Variants in C12orf56 observed in about 807,000 individuals in gnomAD.
The protein encoded by C12orf56 is uncharacterized protein C12orf56.
Under a neutral mutation model 69.9 loss-of-function variants are expected in C12orf56, and 71 were observed. The ratio of observed to expected loss-of-function variants is 1.02; its 90% CI spans 0.84 to 1.24. C12orf56 has a LOEUF of 1.24. Among genes scored for constraint, C12orf56 ranks in the 50% most tolerant of loss-of-function variants. The pLI, the probability that C12orf56 is intolerant of heterozygous loss-of-function variation, is 0.00. For missense variants in C12orf56, 732 were observed against 738.5 expected (o/e 0.99, Z 0.10); for synonymous variants, 276 against 274.1 (o/e 1.01, Z -0.07).
intron 5 of C12orf56, among the ~76,000 whole-genome samples, chr12:64,304,767 TG>T (rs2038489930): frequency 6.6e-6 from 1 of 152,210 alleles, no homozygotes; most frequent in Non-Finnish European, 1.5e-5. Flanking sequence ...TGGACTGAGC[TG>T]GCTCCACTGT....
chr12:64,318,885 C>A lies in C12orf56; in HGVS notation c.584G>T (p.Arg195Leu), dbSNP rs1336616299. The A allele has an allele frequency of 6.5e-7, 1 of 1,537,054 alleles. No individual in the cohort carries two copies. The highest frequency in any genetic ancestry group is 2.4e-5 in the East Asian group (1 of 40,914). Reference sequence around the variant, plus strand: ...CCTCCTGGAGGGGGAAGGTAGGGGTCGAAAGGCACCTTGGCCATGAAGGGA... The same window carrying A: ...CCTCCTGGAGGGGGAAGGTAGGGGTAGAAAGGCACCTTGGCCATGAAGGGA... ...KLSLHGQGAFRPLPSPSRRSS... is the reference protein window; with the variant it reads ...KLSLHGQGAFLPLPSPSRRSS... The change falls in exon 4 of 13, where the codon CGA becomes CTA. Residue 195 changes from arginine to leucine, a missense_variant. Transcript: ENST00000543942.
intron 2 of C12orf56, among the ~76,000 whole-genome samples, chr12:64,352,081 T>TTTTTTG (rs1248313435): frequency 7.8e-6 from 1 of 127,740 alleles, no homozygotes; most frequent in South Asian, 2.8e-4. Context: ...AGTAAAAGGT[T>TTTTTTG]TTTTTGTTTT....
intron 1 of C12orf56, among the ~76,000 whole-genome samples, chr12:64,374,578 C>T (rs2135977395): frequency 6.6e-6 from 1 of 150,716 alleles, no homozygotes; most frequent in Non-Finnish European, 1.5e-5. Context: ...TGGAGTCTCG[C>T]TGTCACCTAG....
intron 4 of C12orf56, among the ~76,000 whole-genome samples, chr12:64,314,936 G>A (rs1054728561): frequency 1.7e-5 from 2 of 115,312 alleles, no homozygotes; most frequent in African/African-American, 6.3e-5. Context: ...CATCCGGCCA[G>A]CTTTTTTTTT....
intron 1 of C12orf56, among the ~76,000 whole-genome samples, chr12:64,354,952 C>CG (rs2039288209): frequency 6.6e-6 from 1 of 151,150 alleles, no homozygotes; most frequent in African/African-American, 2.4e-5. Context: ...GTGGTGCATG[C>CG]CTGTAGTCAC....
intron 4 of C12orf56, among the ~76,000 whole-genome samples, chr12:64,313,811 A>G (rs1316256677): frequency 6.6e-6 from 1 of 151,614 alleles, no homozygotes; most frequent in Admixed American, 6.6e-5. Flanking sequence ...TTGGGAGGCC[A>G]AGGTGGGCGG....
intron 5 of C12orf56, among the ~76,000 whole-genome samples, chr12:64,308,976 G>GAAAGAAAGA (rs1565749145): frequency 1.7e-4 from 19 of 112,176 alleles, no homozygotes; most frequent in African/African-American, 6.1e-4. Context: ...AGAAAGAAAA[G>GAAAGAAAGA]AAAGAAAGAA....
chr12:64,368,185 C>T (rs1050947718), intron 1 of C12orf56, among the ~76,000 whole-genome samples: 10 of 152,058 alleles, frequency 6.6e-5, no homozygotes, highest in Admixed American at 1.3e-4. Flanking sequence ...CTACTGCAGC[C>T]TCAACCTGCT....
chr12:64,325,002 A>T (rs1293731272), intron 3 of C12orf56, among the ~76,000 whole-genome samples: 2 of 152,190 alleles, frequency 1.3e-5, no homozygotes, highest in Admixed American at 6.5e-5. Context: ...AAAAACAGAC[A>T]ACTGAACACT....
chr12:64,363,221 AC>A (rs1484414688), intron 1 of C12orf56, among the ~76,000 whole-genome samples: 1 of 152,182 alleles, frequency 6.6e-6, no homozygotes, highest in African/African-American at 2.4e-5. Context: ...CAAGTGATGC[AC>A]CAGCTACTAT....
At chr12:64,358,255 C>T (rs979309221) in intron 1 of C12orf56, among the ~76,000 whole-genome samples, 2 of 151,894 alleles carry the variant, frequency 1.3e-5, no homozygotes, top group Non-Finnish European at 2.9e-5. Flanking sequence ...GTCAGGAGTT[C>T]GAGACCAGCC....
At chr12:64,375,819 C>T (rs1027951366) in intron 1 of C12orf56, among the ~76,000 whole-genome samples, 13 of 152,094 alleles carry the variant, frequency 8.5e-5, no homozygotes, top group South Asian at 2.1e-4. Context: ...TATGCAACAA[C>T]GAACAGTTTT....
At position 64,331,984 on chromosome 12, in the gene C12orf56, C is replaced by T. The variant is rs184452265; in HGVS notation, c.416-952G>A. ...AAAGAAGGAAAAAAAGACTTTGCTC[C>T]TTCCATGAAATGAATGATGCTTAAG... On this transcript the variant is annotated intron_variant, in intron 2 of 12. Transcript: ENST00000543942. Among the ~76,000 whole-genome samples the T allele has an allele frequency of 2.0e-5, 3 of 151,736 alleles. No individual in the cohort carries two copies. The East Asian group carries it at 5.8e-4, about 29-fold the overall frequency.
intron 1 of C12orf56, among the ~76,000 whole-genome samples, chr12:64,364,182 A>G (rs2039435074): frequency 6.6e-6 from 1 of 151,992 alleles, no homozygotes; most frequent in South Asian, 2.1e-4. Context: ...GTGTGATGGC[A>G]TGTGCCTGTA....
chr12:64,341,910 C>T (rs1276072130), intron 2 of C12orf56, among the ~76,000 whole-genome samples: 1 of 152,164 alleles, frequency 6.6e-6, no homozygotes, highest in African/African-American at 2.4e-5. Context: ...TGAGCCCATG[C>T]ATAACCTCCA....
intron 1 of C12orf56, among the ~76,000 whole-genome samples, chr12:64,359,640 G>A (rs767409761): frequency 1.3e-5 from 2 of 152,098 alleles, no homozygotes; most frequent in Non-Finnish European, 2.9e-5. Context: ...TCCACTGTGA[G>A]CACTGAACAG....
chr12:64,307,632 G>C (rs542414830), intron 5 of C12orf56, among the ~76,000 whole-genome samples: 17 of 152,094 alleles, frequency 1.1e-4, no homozygotes, highest in African/African-American at 4.1e-4. Flanking sequence ...GCCTCCCAAA[G>C]TGCTGGGATT....
intron 2 of C12orf56, among the ~76,000 whole-genome samples, chr12:64,347,865 T>C (rs957670200): frequency 4.6e-5 from 7 of 152,226 alleles, no homozygotes; most frequent in African/African-American, 1.7e-4. Flanking sequence ...TGCCTAGCGT[T>C]AAAGGATTGT....
chr12:64,351,706 G>A (rs1392252217), intron 2 of C12orf56, among the ~76,000 whole-genome samples: 11 of 152,024 alleles, frequency 7.2e-5, no homozygotes, highest in Admixed American at 6.6e-4. Context: ...GGAAGAAAGA[G>A]GGATGCCTCA....
Sources: gnomAD v4.1 joint callset for allele counts (sites outside exome capture counted in the v4.1 genomes callset) on GRCh38, gnomAD v4.1.1 for gene constraint, MANE v1.5 for transcripts, NCBI Gene and HGNC (gene_info 2026-07-23, HGNC 2026-07-21) for gene names.